The following CYP3A43 variants were observed in gnomAD, a reference collection of about 807,000 sequenced individuals.
CYP3A43 encodes the protein cytochrome P450 3A43.
Under a neutral mutation model 58.0 loss-of-function variants are expected in CYP3A43, and 45 were observed. That is an observed-to-expected ratio of 0.78 (90% CI 0.61 to 0.99). The LOEUF (loss-of-function observed/expected upper bound fraction) is 0.99. CYP3A43 is among the 50% of genes least tolerant of loss of function. The pLI, the probability that CYP3A43 is intolerant of heterozygous loss-of-function variation, is 0.00. For missense variants in CYP3A43, 593 were observed against 591.9 expected (o/e 1.00, Z -0.02); for synonymous variants, 191 against 201.4 (o/e 0.95, Z 0.44).
chr7:99,861,994 A>G (rs1563073349), intron 11 of CYP3A43, among the ~76,000 whole-genome samples, 155 bp downstream of exon 11: 3 of 152,216 alleles, frequency 2.0e-5, no homozygotes, highest in Non-Finnish European at 4.4e-5. Context: ...TACAAACCAT[A>G]GATTAAGAAA....
chr7:99,838,947 T>A (rs1056739128), intron 2 of CYP3A43, 173 bp from the exon 3 acceptor site: 3 of 752,888 alleles, frequency 4.0e-6, no homozygotes, highest in Non-Finnish European at 6.3e-6. Flanking sequence ...ACCATTGCAC[T>A]CCAGCCTGGG....
chr7:99,847,041 C>T (rs922708947), intron 4 of CYP3A43, among the ~76,000 whole-genome samples: 2 of 152,008 alleles, frequency 1.3e-5, no homozygotes, highest in East Asian at 3.8e-4. Context: ...ATCAAACCAC[C>T]CCTTTGTCAA....
chr7:99,860,469 T>C (rs1818185125), intron 10 of CYP3A43, among the ~76,000 whole-genome samples: 1 of 152,142 alleles, frequency 6.6e-6, no homozygotes, highest in South Asian at 2.1e-4. Flanking sequence ...GGACCCAGGG[T>C]GCCTGACGCC....
rs1429132715 is a variant in CYP3A43 at position 99,864,557 on chromosome 7, A to G, written c.1416+858A>G. On this transcript the variant is annotated intron_variant, in intron 12 of 12. Coordinates refer to ENST00000354829, the MANE Select transcript of CYP3A43 (RefSeq NM_057095.3). ...CAGGCTGTTATCATCACCTAATCTT[A>G]TACTTTTCATTAAACCACTCAGTTT... Among the ~76,000 whole-genome samples the G allele has an allele frequency of 2.7e-5, 4 of 148,598 alleles. 1 individual carries two copies. The highest frequency in any genetic ancestry group is 1.1e-4 in the African/African-American group (4 of 38,050).
chr7:99,837,944 A>T (rs188060169), intron 2 of CYP3A43, among the ~76,000 whole-genome samples: 11 of 152,310 alleles, frequency 7.2e-5, no homozygotes, highest in African/African-American at 2.2e-4. Context: ...TAATTCTCCC[A>T]ACTGAGGCCT....
intron 6 of CYP3A43, among the ~76,000 whole-genome samples, chr7:99,848,795 C>A (rs576691533): frequency 6.6e-6 from 1 of 152,178 alleles, no homozygotes; most frequent in African/African-American, 2.4e-5. Context: ...TAGGGCAATG[C>A]TATTGTTTGT....
chr7:99,839,250 C>T, intron 3 of CYP3A43, 78 bp downstream of exon 3: 1 of 1,560,714 alleles, frequency 6.4e-7, no homozygotes, highest in Non-Finnish European at 8.8e-7. Flanking sequence ...ACAATCTCAG[C>T]CCAGATTTTG....
intron 1 of CYP3A43, among the ~76,000 whole-genome samples, chr7:99,833,549 G>A (rs1316319289): frequency 6.6e-6 from 1 of 152,232 alleles, no homozygotes; most frequent in African/African-American, 2.4e-5. Context: ...CAGAAAAACA[G>A]GCAGTTAGTT....
chr7:99,857,042 T>C (rs955482003), intron 9 of CYP3A43, 143 bp downstream of exon 9: 12 of 1,025,972 alleles, frequency 1.2e-5, no homozygotes, highest in South Asian at 6.7e-5. Context: ...TTATAAATGA[T>C]AGCTGGAGGC....
intron 7 of CYP3A43, among the ~76,000 whole-genome samples, chr7:99,852,048 T>C (rs554254825): frequency 3.7e-4 from 56 of 152,348 alleles, no homozygotes; most frequent in African/African-American, 1.3e-3. Flanking sequence ...GGACCATTTG[T>C]TGAAAAGACG....
At chr7:99,842,919 T>C (rs1817391965) in intron 3 of CYP3A43, among the ~76,000 whole-genome samples, 1 of 152,188 alleles carries the variant, frequency 6.6e-6, no homozygotes, top group Non-Finnish European at 1.5e-5. Context: ...CCAAGTTCTG[T>C]TGAATCTCAC....
chr7:99,832,366 G>A (rs1816879605), intron 1 of CYP3A43, among the ~76,000 whole-genome samples: 1 of 151,924 alleles, frequency 6.6e-6, no homozygotes, highest in South Asian at 2.1e-4. Flanking sequence ...TTGGATCATA[G>A]GGGTGTTTTC....
chr7:99,852,991 C>A (rs1436517526), intron 7 of CYP3A43, among the ~76,000 whole-genome samples: 1 of 152,136 alleles, frequency 6.6e-6, no homozygotes, highest in Non-Finnish European at 1.5e-5. Context: ...TAGATTGATC[C>A]AGTTTGCTAG....
rs1817994201 is a variant in CYP3A43 at position 99,856,726 on chromosome 7, C to T, written c.799-107C>T. 3 of 1,172,598 alleles carry T rather than the reference C, an allele frequency of 2.6e-6. No individual in the cohort carries two copies. In the South Asian group the frequency reaches 3.9e-5, roughly 15 times the overall value. 72.6% of individuals were successfully genotyped at this position (1,172,598 alleles called of 1,614,324 possible). ...AGGCAACACCCATTACACTTCTGAACTTAAAGAGAGCATATTCTCAGGAGG... is the reference window on the plus strand; with the variant it reads ...AGGCAACACCCATTACACTTCTGAATTTAAAGAGAGCATATTCTCAGGAGG... On this transcript the variant is annotated intron_variant, in intron 8 of 12. Coordinates refer to ENST00000354829, the MANE Select transcript of CYP3A43 (RefSeq NM_057095.3).
At chr7:99,857,933 A>G (rs1818050187) in intron 9 of CYP3A43, among the ~76,000 whole-genome samples, 1 of 152,130 alleles carries the variant, frequency 6.6e-6, no homozygotes, top group South Asian at 2.1e-4. Flanking sequence ...CTATGTCTTC[A>G]TCTACTTGTC....
rs749525707 is a variant in CYP3A43, at chr7:99,828,203, G to A, written c.71+17G>A. ...CCTCTATATGTGAGTAACTATGCAG[G>A]CATGTTTGCTCTTAACTCTAAGACC... On this transcript the variant is annotated intron_variant, in intron 1 of 12. Coordinates refer to ENST00000354829, the MANE Select transcript of CYP3A43 (RefSeq NM_057095.3). The A allele has an allele frequency of 3.2e-6, 5 of 1,577,164 alleles. No individual in the cohort carries two copies. The highest frequency in any genetic ancestry group is 1.2e-5 in the South Asian group (1 of 84,122).
intron 7 of CYP3A43, among the ~76,000 whole-genome samples, chr7:99,851,547 A>G (rs532898649): frequency 3.9e-5 from 6 of 152,356 alleles, no homozygotes; most frequent in Non-Finnish European, 8.8e-5. Flanking sequence ...AATGGCTAAT[A>G]AAATTGAGCA....
At chr7:99,832,327 G>A (rs1048936513) in intron 1 of CYP3A43, among the ~76,000 whole-genome samples, 3 of 151,704 alleles carry the variant, frequency 2.0e-5, no homozygotes, top group Non-Finnish European at 4.4e-5. Flanking sequence ...TTATCCCTAT[G>A]TGTCAAGGAA....
Position 99,839,119 on chromosome 7 carries a change from G to A in CYP3A43, c.166-1G>A. The A allele has an allele frequency of 6.2e-7, 1 of 1,614,132 alleles. No homozygotes were observed. Among genetic ancestry groups the A allele is most frequent in the Non-Finnish European group, 8.5e-7 (1 of 1,179,978 alleles). On this transcript the variant is annotated splice_acceptor_variant, in intron 2 of 12. Transcript: ENST00000354829. LOFTEE classifies it high-confidence loss of function. The stretch of plus-strand genomic sequence containing the variant: ...GAATTGTATTTTGTTTCTTCTGCCA[G>A]GGTCTTTGGAATTTTGACAGAGAAT...
Sources: allele counts gnomAD v4.1 joint callset (sites outside exome capture counted in the v4.1 genomes callset), GRCh38; gene constraint gnomAD v4.1.1; transcripts MANE v1.5; gene names NCBI Gene and HGNC (gene_info 2026-07-23, HGNC 2026-07-21).